Variants in IMMP2L observed in about 807,000 individuals in gnomAD.
The protein encoded by IMMP2L is mitochondrial inner membrane protease subunit 2.
Under a neutral mutation model 19.3 loss-of-function variants are expected in IMMP2L, and 18 were observed. The ratio of observed to expected loss-of-function variants is 0.93; its 90% CI spans 0.64 to 1.38. The LOEUF (loss-of-function observed/expected upper bound fraction) is 1.38. Among genes scored for constraint, IMMP2L ranks in the 40% most tolerant of loss-of-function variants. The pLI is 0.00. For synonymous variants in IMMP2L, 76 were observed against 73.0 expected, an observed-to-expected ratio of 1.04 and a Z score of -0.21; for missense variants, 233 against 218.2, an observed-to-expected ratio of 1.07 and a Z score of -0.43.
intron 3 of IMMP2L, among the ~76,000 whole-genome samples, chr7:111,314,175 G>T (rs541801270): frequency 6.6e-6 from 1 of 152,242 alleles, no homozygotes; most frequent in African/African-American, 2.4e-5. Context: ...CTATAGCAAT[G>T]TGAGAATAGC....
chr7:111,474,758 AAC>A (rs1841575401), intron 3 of IMMP2L, among the ~76,000 whole-genome samples: 1 of 152,088 alleles, frequency 6.6e-6, no homozygotes, highest in African/African-American at 2.4e-5. Context: ...CAACTCAATT[AAC>A]ACAGTGTCAT....
chr7:110,664,772 A>G (rs1174062106), intron 5 of IMMP2L: 1 of 152,228 alleles, frequency 6.6e-6, no homozygotes, highest in Non-Finnish European at 1.5e-5. Flanking sequence ...TATTTAGCAC[A>G]TATTTACTGA....
At chr7:111,201,407 C>T (rs1232551876) in intron 3 of IMMP2L, among the ~76,000 whole-genome samples, 1 of 151,972 alleles carries the variant, frequency 6.6e-6, no homozygotes, top group African/African-American at 2.4e-5. Context: ...ACCTAATCCC[C>T]ACTGCAATAG....
intron 3 of IMMP2L, among the ~76,000 whole-genome samples, chr7:111,131,282 C>A (rs1425067660): frequency 1.3e-5 from 2 of 151,956 alleles, no homozygotes; most frequent in African/African-American, 4.8e-5. Context: ...ATTAGGTTTT[C>A]CTTCCAGTGG....
chr7:110,681,843 A>G (rs2130451802), intron 5 of IMMP2L, among the ~76,000 whole-genome samples: 1 of 152,262 alleles, frequency 6.6e-6, no homozygotes, highest in Non-Finnish European at 1.5e-5. Flanking sequence ...AAGCCATTGA[A>G]GGATCAGGAA....
At chr7:110,725,899 C>T (rs1360485021) in intron 5 of IMMP2L, 1 of 152,200 alleles carries the variant, frequency 6.6e-6, no homozygotes, top group Non-Finnish European at 1.5e-5. Context: ...TTACATAGCA[C>T]TTGCTATATA....
intron 5 of IMMP2L, among the ~76,000 whole-genome samples, chr7:110,699,117 G>A (rs1413104210): frequency 6.6e-6 from 1 of 152,044 alleles, no homozygotes; most frequent in Non-Finnish European, 1.5e-5. Flanking sequence ...CTGAGGAAAA[G>A]TGTTATTCTT....
chr7:111,317,238 A>C (rs1981713), intron 3 of IMMP2L, among the ~76,000 whole-genome samples: 139,285 of 152,086 alleles, frequency 0.92, 63,859 homozygotes, highest in East Asian at 1. Context: ...GTACCCACTC[A>C]GGCCTACCTC....
intron 3 of IMMP2L, among the ~76,000 whole-genome samples, chr7:111,027,574 T>C (rs536318887): frequency 1.3e-5 from 2 of 152,030 alleles, no homozygotes; most frequent in South Asian, 2.1e-4. Context: ...AGTGGGAACT[T>C]CCTGGTTTCT....
intron 3 of IMMP2L, among the ~76,000 whole-genome samples, chr7:111,018,226 C>T (rs559793868): frequency 6.6e-6 from 1 of 152,240 alleles, no homozygotes; most frequent in South Asian, 2.1e-4. Flanking sequence ...GGCAGAGCCA[C>T]CCCAGGTGTT....
intron 3 of IMMP2L, among the ~76,000 whole-genome samples, chr7:111,424,469 A>T (rs1291243997): frequency 6.6e-6 from 1 of 151,872 alleles, no homozygotes; most frequent in Admixed American, 6.6e-5. Flanking sequence ...AGACTAAGCC[A>T]TGCTAATTTT....
At chr7:111,479,355 T>C (rs549017830) in intron 3 of IMMP2L, among the ~76,000 whole-genome samples, 1 of 152,310 alleles carries the variant, frequency 6.6e-6, no homozygotes, top group South Asian at 2.1e-4. Context: ...TTTTTCATTA[T>C]TCACAGTGTA....
chr7:111,084,381 G>A (rs1473799387), intron 3 of IMMP2L, among the ~76,000 whole-genome samples: 1 of 151,532 alleles, frequency 6.6e-6, no homozygotes. Context: ...TAGACACGTA[G>A]AGTACAGAGT....
chr7:110,829,537 GA>G (rs1554430111), intron 5 of IMMP2L, among the ~76,000 whole-genome samples: 1 of 151,774 alleles, frequency 6.6e-6, no homozygotes, highest in Non-Finnish European at 1.5e-5. Context: ...TTCTAAAAAC[GA>G]AAAAATATTC....
intron 3 of IMMP2L, among the ~76,000 whole-genome samples, chr7:111,372,571 C>T (rs1457251902): frequency 6.6e-6 from 1 of 152,010 alleles, no homozygotes; most frequent in Non-Finnish European, 1.5e-5. Flanking sequence ...TGCCTGTAAA[C>T]ATTCAAATGA....
At chr7:111,537,892 A>G (rs147438008) in intron 1 of IMMP2L, among the ~76,000 whole-genome samples, 56 of 151,896 alleles carry the variant, frequency 3.7e-4, no homozygotes, top group African/African-American at 1.2e-3. Flanking sequence ...AATTTCTAGA[A>G]TATGCCACAC....
chr7:111,377,562 CCACAGAAACTG>C (rs1348684683), intron 3 of IMMP2L, among the ~76,000 whole-genome samples: 1 of 152,046 alleles, frequency 6.6e-6, no homozygotes, highest in African/African-American at 2.4e-5. Flanking sequence ...CCCACTCCTG[CCACAGAAACTG>C]CACAGGAATT....
At chr7:110,818,138 C>G (rs1245847242) in intron 5 of IMMP2L, among the ~76,000 whole-genome samples, 2 of 152,160 alleles carry the variant, frequency 1.3e-5, no homozygotes, top group Admixed American at 6.6e-5. Context: ...TAAAGAGTTT[C>G]TGCACAGCAA....
intron 3 of IMMP2L, among the ~76,000 whole-genome samples, chr7:111,409,214 A>T (rs867003452): frequency 2.0e-5 from 3 of 151,698 alleles, no homozygotes; most frequent in Non-Finnish European, 4.4e-5. Flanking sequence ...TGAAGAAACC[A>T]TTTCATAATA....
Sources: allele counts gnomAD v4.1 joint callset (sites outside exome capture counted in the v4.1 genomes callset), GRCh38; gene constraint gnomAD v4.1.1; transcripts MANE v1.5; gene names NCBI Gene and HGNC (gene_info 2026-07-23, HGNC 2026-07-21).